COL23A1: variants seen among roughly 807,000 people sequenced by gnomAD.
The protein encoded by COL23A1 is collagen type XXIII alpha 1 chain.
Under a neutral mutation model 99.3 loss-of-function variants are expected in COL23A1, and 97 were observed. The observed-to-expected ratio is 0.98, with a 90% CI of 0.83 to 1.16. COL23A1 has a LOEUF of 1.16. Ranked by LOEUF, COL23A1 falls within the 50% of genes most tolerant of loss-of-function variation. The pLI is 0.00. For missense variants in COL23A1, 762 were observed against 757.4 expected, an observed-to-expected ratio of 1.01 and a Z score of -0.07; for synonymous variants, 320 against 308.2, an observed-to-expected ratio of 1.04 and a Z score of -0.40.
intron 5 of COL23A1, among the ~76,000 whole-genome samples, chr5:178,284,125 C>T (rs1757037259): frequency 1.3e-5 from 2 of 152,202 alleles, no homozygotes; most frequent in Non-Finnish European, 2.9e-5. Context: ...ACTTTTGATC[C>T]ACAATGTTCT....
At chr5:178,321,359 C>G (rs1759293783) in intron 2 of COL23A1, among the ~76,000 whole-genome samples, 1 of 152,136 alleles carries the variant, frequency 6.6e-6, no homozygotes, top group Non-Finnish European at 1.5e-5. Flanking sequence ...AATCTGATGA[C>G]TCTGGGTATC....
chr5:178,473,271 C>T (rs1232519439), intron 2 of COL23A1, among the ~76,000 whole-genome samples: 1 of 151,958 alleles, frequency 6.6e-6, no homozygotes, highest in Non-Finnish European at 1.5e-5. Flanking sequence ...GGAGGATGTA[C>T]TTAGGTTAAA....
At chr5:178,460,193 T>C (rs1756039785) in intron 2 of COL23A1, among the ~76,000 whole-genome samples, 1 of 152,144 alleles carries the variant, frequency 6.6e-6, no homozygotes. Flanking sequence ...TCAGAGGATT[T>C]GCCATGCAGA....
intron 2 of COL23A1, among the ~76,000 whole-genome samples, chr5:178,324,362 T>G (rs544314414): frequency 3.1e-4 from 47 of 152,320 alleles, no homozygotes; most frequent in Admixed American, 2.9e-3. Flanking sequence ...TCATGTGCTT[T>G]TCACCGTGCT....
At chr5:178,514,484 T>C (rs1759394121) in intron 2 of COL23A1, among the ~76,000 whole-genome samples, 1 of 152,244 alleles carries the variant, frequency 6.6e-6, no homozygotes, top group South Asian at 2.1e-4. Flanking sequence ...GGATCCTCCA[T>C]ACTGTCTTCC....
chr5:178,391,687 G>T (rs1763971601), intron 2 of COL23A1, among the ~76,000 whole-genome samples: 1 of 151,964 alleles, frequency 6.6e-6, no homozygotes, highest in Non-Finnish European at 1.5e-5. Flanking sequence ...TGCTCAAATG[G>T]CTTCACACAG....
intron 2 of COL23A1, among the ~76,000 whole-genome samples, chr5:178,407,909 T>TG (rs1002194065): frequency 2.6e-5 from 4 of 152,066 alleles, no homozygotes; most frequent in African/African-American, 9.7e-5. Context: ...GGAGTGAGAC[T>TG]AAAAAAGTAT....
At chr5:178,543,624 G>A (rs1761417779) in intron 2 of COL23A1, among the ~76,000 whole-genome samples, 1 of 152,166 alleles carries the variant, frequency 6.6e-6, no homozygotes, top group African/African-American at 2.4e-5. Context: ...CACCTTTGGT[G>A]TTGTGGGTGG....
Position 178,270,377 on chromosome 5 carries a change from G to A in COL23A1, c.442-14C>T, listed in dbSNP as rs1283228201. 1 of 1,613,912 alleles carries A rather than the reference G, an allele frequency of 6.2e-7. No individual in the cohort carries two copies. Among genetic ancestry groups the A allele is most frequent in the Non-Finnish European group, 8.5e-7 (1 of 1,179,934 alleles). ...ACCCAGGGGTCCCTGGAAAACGAGA[G>A]AGAGAGAACACAGGTTACACACGGG... On this transcript the variant is annotated splice_polypyrimidine_tract_variant and intron_variant, in intron 5 of 28. Transcript: ENST00000390654.
chr5:178,413,736 G>A lies in COL23A1; in HGVS notation c.362-106817C>T, dbSNP rs532686999. 2.6e-5 allele frequency among the ~76,000 whole-genome samples: 4 copies of A among 152,322 alleles called. No homozygotes were observed. The East Asian group carries it at 5.8e-4, about 22-fold the overall frequency. The stretch of plus-strand genomic sequence containing the variant: ...AGGTCTCATTAGCCTATGTGGGGAT[G>A]GGGAATTGGACAAGGTTAGCAGAGG... On this transcript the variant is annotated intron_variant, in intron 2 of 28. Transcript: ENST00000390654.
intron 1 of COL23A1, among the ~76,000 whole-genome samples, chr5:178,575,198 A>G (rs1581666517): frequency 6.6e-6 from 1 of 152,178 alleles, no homozygotes; most frequent in Non-Finnish European, 1.5e-5. Flanking sequence ...GGAAACAGGA[A>G]CCTCCAGGTC....
chr5:178,444,349 T>C (rs1300395819), intron 2 of COL23A1, among the ~76,000 whole-genome samples: 1 of 152,246 alleles, frequency 6.6e-6, no homozygotes, highest in Non-Finnish European at 1.5e-5. Flanking sequence ...CTGTTGATTA[T>C]TTCTTTCATA....
At chr5:178,302,007 G>A (rs867439275) in intron 3 of COL23A1, among the ~76,000 whole-genome samples, 5 of 26,476 alleles carry the variant, frequency 1.9e-4, no homozygotes, top group Admixed American at 5.5e-4. Flanking sequence ...GTGTGTGCCG[G>A]AGCACAGCTT....
intron 17 of COL23A1, among the ~76,000 whole-genome samples, chr5:178,252,166 C>T (rs551891781): frequency 4.4e-4 from 67 of 152,116 alleles, no homozygotes; most frequent in Non-Finnish European, 6.3e-4. Flanking sequence ...CCACCTGCCT[C>T]GGCCTCCCAA....
At chr5:178,275,790 C>T (rs76141119) in intron 5 of COL23A1, among the ~76,000 whole-genome samples, 42 of 152,288 alleles carry the variant, frequency 2.8e-4, no homozygotes, top group African/African-American at 8.7e-4. Flanking sequence ...GCTGATTCAC[C>T]GGAGTGCGGT....
At chr5:178,417,060 A>G (rs1397104780) in intron 2 of COL23A1, among the ~76,000 whole-genome samples, 1 of 152,168 alleles carries the variant, frequency 6.6e-6, no homozygotes, top group Non-Finnish European at 1.5e-5. Flanking sequence ...CTGCCACCAA[A>G]TAGTGCTTGT....
intron 2 of COL23A1, among the ~76,000 whole-genome samples, chr5:178,450,605 T>C (rs1384215199): frequency 6.6e-6 from 1 of 152,198 alleles, no homozygotes; most frequent in Non-Finnish European, 1.5e-5. Flanking sequence ...CTTCACTATC[T>C]GGAGGTCTCT....
intron 1 of COL23A1, among the ~76,000 whole-genome samples, chr5:178,588,127 CAG>C (rs372279717): frequency 6.6e-5 from 10 of 151,336 alleles, no homozygotes; most frequent in South Asian, 4.2e-4. Flanking sequence ...TAATCAAGAA[CAG>C]AGAGAGAGAG....
At chr5:178,297,291 C>T (rs370628696) in intron 3 of COL23A1, among the ~76,000 whole-genome samples, 1 of 152,222 alleles carries the variant, frequency 6.6e-6, no homozygotes, top group Non-Finnish European at 1.5e-5. Flanking sequence ...GAGGCCGAGG[C>T]GGGTGGATCA....
Sources: gnomAD v4.1 joint callset for allele counts (sites outside exome capture counted in the v4.1 genomes callset) on GRCh38, gnomAD v4.1.1 for gene constraint, MANE v1.5 for transcripts, NCBI Gene and HGNC (gene_info 2026-07-23, HGNC 2026-07-21) for gene names.